The following DPYSL4 variants were observed in gnomAD, a reference collection of about 807,000 sequenced individuals.
DPYSL4 encodes dihydropyrimidinase-related protein 4.
A neutral mutation model predicts 63.4 loss-of-function variants in DPYSL4; 43 were observed. The observed-to-expected ratio is 0.68, with a 90% confidence interval of 0.53 to 0.88. The LOEUF (loss-of-function observed/expected upper bound fraction) is 0.88, where lower values mean the gene tolerates loss of function less well. Among genes scored for constraint, DPYSL4 ranks in the 40% least tolerant of loss-of-function variants. DPYSL4 has a pLI of 0.00. For missense variants in DPYSL4, 733 were observed against 819.5 expected (o/e 0.89, Z 1.29); for synonymous variants, 353 against 331.7 (o/e 1.06, Z -0.70).
chr10:132,198,556 C>CCCTGGCCCTGGGCT, intron 7 of DPYSL4, 73 bp downstream of exon 7: 1 of 1,442,222 alleles, frequency 6.9e-7, no homozygotes, highest in Non-Finnish European at 9.4e-7. Flanking sequence ...GCTGTGCTGA[C>CCCTGGCCCTGGGCT]CCTGGCCCTG....
rs758764485 is a variant in DPYSL4 at position 132,190,873 on chromosome 10, C to G, written c.128+38C>G. 5 of 1,592,378 alleles carry G rather than the reference C, an allele frequency of 3.1e-6. No homozygotes were observed. The South Asian group carries it at 5.5e-5, about 18-fold the overall frequency. ...CGAAAATGAAAATACGTTCCCAGCT[C>G]GTGTGTACACGCTGGTCACGTGGTA... On this transcript the variant is annotated intron_variant, in intron 2 of 13. Transcript: ENST00000338492.
At chr10:132,194,174 CTTG>C (rs1490690237) in intron 3 of DPYSL4, among the ~76,000 whole-genome samples, 1 of 152,232 alleles carries the variant, frequency 6.6e-6, no homozygotes, top group African/African-American at 2.4e-5. Flanking sequence ...CCCACTTCAT[CTTG>C]TTGGGATGAG....
rs1487960592 is a variant in DPYSL4, at chr10:132,200,515, A to G, written c.968+3A>G. ...CACCTCACCTGCTTGCTGTCCAGGT[A>G]AGCAGCCTCTCCAGGTGGCCCCAGG... On this transcript the variant is annotated splice_donor_region_variant and intron_variant, in intron 9 of 13. Coordinates refer to ENST00000338492, the MANE Select transcript of DPYSL4 (RefSeq NM_006426.3). The G allele has an allele frequency of 1.2e-6, 2 of 1,612,568 alleles. No individual in the cohort carries two copies. Among genetic ancestry groups the G allele is most frequent in the East Asian group, 2.2e-5 (1 of 44,864 alleles).
At position 132,205,743 on chromosome 10, in the gene DPYSL4, AGACGTCT is replaced by A. The variant is rs1668056387; in HGVS notation, c.*815_*821del. 1 of 142,286 alleles carries A rather than the reference AGACGTCT, an allele frequency of 7.0e-6. No homozygotes were observed. Among genetic ancestry groups the A allele is most frequent in the Non-Finnish European group, 1.6e-5 (1 of 63,060 alleles). The allele number at this position is 142,286 out of a possible 1,614,324, so 8.8% of individuals were successfully genotyped here. Reference sequence around the variant, plus strand: ...CTCTGATGTGAATCAGGCCCATTAAAGACGTCTGGGTTTGAAGCCGCCTGTGCATGGA... The same window carrying A: ...CTCTGATGTGAATCAGGCCCATTAAAGGGTTTGAAGCCGCCTGTGCATGGA... On this transcript the variant is annotated 3_prime_UTR_variant, in exon 14 of 14. Transcript: ENST00000338492.
At chr10:132,200,307 G>A (rs1408916240) in intron 8 of DPYSL4, 49 bp from the exon 9 acceptor site, 2 of 1,604,892 alleles carry the variant, frequency 1.2e-6, no homozygotes, top group Admixed American at 1.7e-5. Context: ...CGGGGCCCCA[G>A]GGGGTGCAGG....
chr10:132,187,730 A>T (rs558438795), intron 1 of DPYSL4, among the ~76,000 whole-genome samples: 6 of 152,344 alleles, frequency 3.9e-5, no homozygotes, highest in African/African-American at 1.4e-4. Flanking sequence ...CGAGCGGTCA[A>T]GGGCCACTGG....
intron 1 of DPYSL4, among the ~76,000 whole-genome samples, chr10:132,188,291 T>G (rs903457701): frequency 2.0e-5 from 3 of 152,194 alleles, no homozygotes; most frequent in Non-Finnish European, 4.4e-5. Flanking sequence ...CAGCTGCGTC[T>G]CCTCTGGGTT....
In DPYSL4 at chr10:132,198,401, G is replaced by C. The variant is rs377218096; in HGVS notation, c.622-14G>C. 8.7e-6 allele frequency: 14 copies of C among 1,602,216 alleles called. No individual in the cohort carries two copies. In the Admixed American group the frequency reaches 2.4e-4, roughly 27 times the overall value. On this transcript the variant is annotated splice_polypyrimidine_tract_variant and intron_variant, in intron 6 of 13. Transcript: ENST00000338492. ...TTCAGGGCTTGGAGCGAGGCATCCT[G>C]TTGGTTTCTTTAGGAGCAGAAGCGG...
chr10:132,191,107 G>GT (rs2061869584), intron 2 of DPYSL4, among the ~76,000 whole-genome samples: 1 of 135,022 alleles, frequency 7.4e-6, no homozygotes, highest in Non-Finnish European at 1.6e-5. Context: ...GTACACGCTG[G>GT]CCACGTGGTA....
intron 11 of DPYSL4, 129 bp downstream of exon 11, chr10:132,202,245 T>C: frequency 1.6e-6 from 2 of 1,229,052 alleles, no homozygotes. Flanking sequence ...CCCAGGGCCG[T>C]CCACACAGCC....
rs1426388627 is a variant in DPYSL4, at chr10:132,205,213, C to T, written c.*283C>T. The T allele has an allele frequency of 3.8e-5, 11 of 287,434 alleles. No homozygotes were observed. The highest frequency in any genetic ancestry group is 7.1e-5 in the Non-Finnish European group (11 of 154,722). The allele number at this position is 287,434 out of a possible 1,614,324, so 17.8% of individuals were successfully genotyped here. A position where few individuals can be genotyped will look rare whatever the true frequency, so the allele number is the denominator to read the frequency against. On this transcript the variant is annotated 3_prime_UTR_variant, in exon 14 of 14. Coordinates refer to ENST00000338492, the MANE Select transcript of DPYSL4 (RefSeq NM_006426.3). ...CAGCCTGAGCCCAGGCACCCCAGTG[C>T]CCGCTGGGCCCAGCCTGGGGACAGG...
Position 132,204,899 on chromosome 10 carries a change from G to C in DPYSL4, c.1688G>C (p.Gly563Ala). 6.2e-7 allele frequency: 1 copy of C among 1,612,388 alleles called. No individual in the cohort carries two copies. The highest frequency in any genetic ancestry group is 8.5e-7 in the Non-Finnish European group (1 of 1,179,142). Residue 563 changes from glycine to alanine, a missense_variant, in exon 14 of 14, where the codon GGC (glycine) becomes GCC (alanine). Gly to Ala is a moderately conservative substitution (Grantham distance 60, BLOSUM62 0). Coordinates refer to ENST00000338492, the MANE Select transcript of DPYSL4 (RefSeq NM_006426.3). Reference protein sequence around the residue: ...RTAQKIMAPPGGRSNITSLS With the variant: ...RTAQKIMAPPAGRSNITSLS The stretch of plus-strand genomic sequence containing the variant: ...GCACAGAAGATCATGGCACCACCTG[G>C]CGGCCGCTCCAACATCACCTCTCTC...
rs1312716156 is a variant in DPYSL4, at chr10:132,187,102, G to T, written c.39G>T (p.Thr13=). The T allele has an allele frequency of 2.1e-6, 3 of 1,462,476 alleles. No homozygotes were observed. Among genetic ancestry groups the T allele is most frequent in the Non-Finnish European group, 1.8e-6 (2 of 1,092,832 alleles). 90.6% of individuals were successfully genotyped at this position (1,462,476 alleles called of 1,614,324 possible). A position where few individuals can be genotyped will look rare whatever the true frequency, so the allele number is the denominator to read the frequency against. The part of the protein sequence containing the change: ...FQGKKSIPRI[T]SDRLLIRGGR... ...GCAAGAAAAGCATCCCCCGGATCAC[G>T]GTGAGCCCGGTCCCGCTTCGCCCGG... The change falls in exon 1 of 14, where the codon ACG becomes ACT. Residue 13 remains threonine, a splice_region_variant and synonymous_variant. Coordinates refer to ENST00000338492, the MANE Select transcript of DPYSL4 (RefSeq NM_006426.3).
chr10:132,204,798 C>G, intron 13 of DPYSL4, 41 bp from the exon 14 acceptor site: 1 of 1,554,936 alleles, frequency 6.4e-7, no homozygotes, highest in Non-Finnish European at 8.7e-7. Flanking sequence ...GGCCCCTGCC[C>G]CTGCCTCATT....
Position 132,192,805 on chromosome 10 carries a change from C to T in DPYSL4, c.276C>T (p.Gly92=). Residue 92 remains glycine, a synonymous_variant, in exon 3 of 14, where the codon GGC becomes GGT. Transcript: ENST00000338492. The part of the protein sequence containing the change: ...GMTPADDFCQ[G]TKAALAGGTT... ...CACCGGCTGACGACTTCTGTCAGGG[C>T]ACCAAGGCAGCGCTAGCAGGAGGAA... 6 of 1,612,684 alleles carry T rather than the reference C, an allele frequency of 3.7e-6. No individual in the cohort carries two copies. Among genetic ancestry groups the T allele is most frequent in the Non-Finnish European group, 5.1e-6 (6 of 1,179,770 alleles).
In DPYSL4 at chr10:132,196,778, C is replaced by T. The variant is rs1030820045; in HGVS notation, c.479-83C>T. The T allele has an allele frequency of 1.2e-5, 18 of 1,510,530 alleles. No homozygotes were observed. In the Middle Eastern group the frequency reaches 6.9e-4, roughly 58 times the overall value. 93.6% of individuals were successfully genotyped at this position (1,510,530 alleles called of 1,614,324 possible). ...GGGGGAGGGGCCCAAGACCCCCAAC[C>T]CTCCAGTGGGCAGGAGCAGCAGAGG... On this transcript the variant is annotated intron_variant, in intron 4 of 13. Transcript: ENST00000338492.
intron 10 of DPYSL4, among the ~76,000 whole-genome samples, chr10:132,201,617 C>T (rs556292458): frequency 6.6e-5 from 10 of 152,384 alleles, no homozygotes; most frequent in South Asian, 4.1e-4. Flanking sequence ...GTTACTCAGG[C>T]GTTCTTACCC....
chr10:132,200,351 T>C lies in DPYSL4; in HGVS notation c.812-5T>C. ...GGGGCACCTCTCATGGGCCTCGTGC[T>C]GCAGGGGTGGTCGTGTTTGGGGAGC... On this transcript the variant is annotated splice_region_variant and splice_polypyrimidine_tract_variant and intron_variant, in intron 8 of 13. Transcript: ENST00000338492. 1 of 1,613,074 alleles carries C rather than the reference T, an allele frequency of 6.2e-7. No homozygotes were observed. Among genetic ancestry groups the C allele is most frequent in the East Asian group, 2.2e-5 (1 of 44,872 alleles).
intron 8 of DPYSL4, among the ~76,000 whole-genome samples, chr10:132,199,532 G>A (rs1428782869): frequency 2.6e-5 from 4 of 152,126 alleles, no homozygotes; most frequent in African/African-American, 9.7e-5. Flanking sequence ...CAAGGATCCA[G>A]GCACAGAACC....
Sources: gnomAD v4.1 joint callset for allele counts (sites outside exome capture counted in the v4.1 genomes callset) on GRCh38, gnomAD v4.1.1 for gene constraint, MANE v1.5 for transcripts, NCBI Gene and HGNC (gene_info 2026-07-23, HGNC 2026-07-21) for gene names.